Variants in PRIMA1 observed in about 807,000 individuals in gnomAD.
PRIMA1 encodes the protein proline rich membrane anchor 1.
PRIMA1 carries 7 observed loss-of-function variants against 17.5 expected under a neutral mutation model. The ratio of observed to expected loss-of-function variants is 0.40; its 90% confidence interval spans 0.23 to 0.75. The LOEUF (loss-of-function observed/expected upper bound fraction) is 0.75. PRIMA1 is among the 30% of genes least tolerant of loss of function. PRIMA1 has a pLI of 0.37. For synonymous variants in PRIMA1, 97 were observed against 77.9 expected, an observed-to-expected ratio of 1.25 and a Z score of -1.29; for missense variants, 200 against 201.8, an observed-to-expected ratio of 0.99 and a Z score of 0.05.
At chr14:93,743,678 T>C (rs1017015056) in intron 3 of PRIMA1, among the ~76,000 whole-genome samples, 1 of 152,230 alleles carries the variant, frequency 6.6e-6, no homozygotes, top group Non-Finnish European at 1.5e-5. Flanking sequence ...CTGGGAGTTG[T>C]TTCTCTGTCT....
chr14:93,734,871 G>GAGGAA (rs1187211910), intron 4 of PRIMA1, among the ~76,000 whole-genome samples: 1 of 152,290 alleles, frequency 6.6e-6, no homozygotes, highest in African/African-American at 2.4e-5. Flanking sequence ...GAAAGTGGAA[G>GAGGAA]AGGACAGACA....
chr14:93,778,756 T>C (rs56272371), intron 3 of PRIMA1, among the ~76,000 whole-genome samples: 156 of 152,326 alleles, frequency 1.0e-3, no homozygotes, highest in Non-Finnish European at 2.0e-3. Context: ...AATGGCATCT[T>C]GAAACTCTGC....
intron 3 of PRIMA1, among the ~76,000 whole-genome samples, chr14:93,754,358 G>A (rs905360274): frequency 6.6e-6 from 1 of 151,512 alleles, no homozygotes; most frequent in Non-Finnish European, 1.5e-5. Flanking sequence ...ACCAGGCAGA[G>A]ACCACTGCTA....
chr14:93,729,715 C>T (rs2076101419), intron 4 of PRIMA1, among the ~76,000 whole-genome samples: 1 of 152,162 alleles, frequency 6.6e-6, no homozygotes, highest in Non-Finnish European at 1.5e-5. Context: ...GTAGGTGTGT[C>T]CTGCGGGGAG....
intron 3 of PRIMA1, among the ~76,000 whole-genome samples, chr14:93,778,818 T>G (rs1252690886): frequency 6.6e-6 from 1 of 152,102 alleles, no homozygotes; most frequent in East Asian, 1.9e-4. Flanking sequence ...AAATGTAAAT[T>G]ATAATAGAGA....
rs2076155925 is a variant in PRIMA1, at chr14:93,737,320, C to T, written c.280G>A (p.Val94Met). 2.5e-6 allele frequency: 4 copies of T among 1,614,048 alleles called. No homozygotes were observed. Among genetic ancestry groups the T allele is most frequent in the African/African-American group, 1.3e-5 (1 of 74,916 alleles). ...PTEESWWSGLVIIIAVCCASL... is the reference protein window; with the variant it reads ...PTEESWWSGLMIIIAVCCASL... Reference sequence around the variant, plus strand: ...GCACAGCATACGGCAATGATGATCACCAGCCCCGACCACCAGCTTTCCTCA... The same window carrying T: ...GCACAGCATACGGCAATGATGATCATCAGCCCCGACCACCAGCTTTCCTCA... The change falls in exon 4 of 5, where the codon GTG becomes ATG. Residue 94 changes from valine to methionine, a missense_variant. Val to Met is a conservative substitution (Grantham distance 21). Coordinates refer to ENST00000393140, the MANE Select transcript of PRIMA1 (RefSeq NM_178013.4).
chr14:93,732,136 C>T (rs1315158124), intron 4 of PRIMA1, among the ~76,000 whole-genome samples: 1 of 152,220 alleles, frequency 6.6e-6, no homozygotes, highest in Non-Finnish European at 1.5e-5. Context: ...CAATTGGGAA[C>T]AGACCCACGC....
chr14:93,728,458 G>C (rs972336093), intron 4 of PRIMA1, among the ~76,000 whole-genome samples: 1 of 152,134 alleles, frequency 6.6e-6, no homozygotes, highest in Non-Finnish European at 1.5e-5. Context: ...AGTCCTGAGC[G>C]AGGGCGGAGA....
intron 3 of PRIMA1, among the ~76,000 whole-genome samples, chr14:93,757,069 T>C (rs1473602494): frequency 1.3e-5 from 2 of 152,158 alleles, no homozygotes; most frequent in African/African-American, 4.8e-5. Context: ...CCCATTTGGG[T>C]CACTCAAGTC....
chr14:93,756,559 G>A (rs914071202), intron 3 of PRIMA1, among the ~76,000 whole-genome samples: 1 of 151,272 alleles, frequency 6.6e-6, no homozygotes, highest in Non-Finnish European at 1.5e-5. Context: ...CGGCCCTATC[G>A]ATGCTCTTCC....
intron 2 of PRIMA1, among the ~76,000 whole-genome samples, chr14:93,781,801 CCT>C (rs1007339456): frequency 6.8e-6 from 1 of 148,082 alleles, no homozygotes; most frequent in Non-Finnish European, 1.5e-5. Flanking sequence ...GTGATGAAAC[CCT>C]GTCTCTACAA....
intron 3 of PRIMA1, among the ~76,000 whole-genome samples, chr14:93,762,434 C>T (rs945688688): frequency 1.3e-5 from 2 of 151,944 alleles, no homozygotes; most frequent in Admixed American, 6.6e-5. Flanking sequence ...CAATCCCAGG[C>T]CCACTCCAGG....
intron 4 of PRIMA1, chr14:93,725,822 C>T (rs2076071820): frequency 2.5e-6 from 1 of 398,292 alleles, no homozygotes; most frequent in African/African-American, 2.1e-5. Flanking sequence ...CTCCAGTCTG[C>T]ACAGACTTCC....
chr14:93,778,415 A>G (rs1318857676), intron 3 of PRIMA1, among the ~76,000 whole-genome samples: 6 of 152,248 alleles, frequency 3.9e-5, no homozygotes, highest in Non-Finnish European at 8.8e-5. Flanking sequence ...CCTACCAGAG[A>G]ACAAGCTTTG....
chr14:93,760,679 C>T (rs1046898740), intron 3 of PRIMA1, among the ~76,000 whole-genome samples: 4 of 152,192 alleles, frequency 2.6e-5, no homozygotes, highest in Admixed American at 6.5e-5. Context: ...TTGGCTGCTC[C>T]ACCCAGCACC....
chr14:93,757,253 C>T (rs8018220), intron 3 of PRIMA1, among the ~76,000 whole-genome samples: 22,249 of 151,842 alleles, frequency 0.15, 2,446 homozygotes, highest in African/African-American at 0.31. Flanking sequence ...GAAGGGAGTC[C>T]TCTTACTTAA....
At chr14:93,729,084 A>G (rs2076097844) in intron 4 of PRIMA1, among the ~76,000 whole-genome samples, 1 of 152,214 alleles carries the variant, frequency 6.6e-6, no homozygotes, top group Non-Finnish European at 1.5e-5. Flanking sequence ...CAGACAGCCT[A>G]GAAGGTGGCA....
At chr14:93,753,630 T>C (rs1220427882) in intron 3 of PRIMA1, among the ~76,000 whole-genome samples, 2 of 152,284 alleles carry the variant, frequency 1.3e-5, no homozygotes, top group East Asian at 3.9e-4. Context: ...CTGACCCAGC[T>C]AGCAGAACCT....
At chr14:93,774,464 C>G (rs1885152247) in intron 3 of PRIMA1, among the ~76,000 whole-genome samples, 1 of 152,200 alleles carries the variant, frequency 6.6e-6, no homozygotes, top group Non-Finnish European at 1.5e-5. Context: ...GTTTCTCTCT[C>G]CCCTCTTTCT....
Sources: gnomAD v4.1 joint callset for allele counts (sites outside exome capture counted in the v4.1 genomes callset) on GRCh38, gnomAD v4.1.1 for gene constraint, MANE v1.5 for transcripts, NCBI Gene and HGNC (gene_info 2026-07-23, HGNC 2026-07-21) for gene names.